Variants in SHISA6 observed in about 807,000 individuals in gnomAD.
SHISA6 encodes shisa family member 6, also known as protein shisa-6.
Under a neutral mutation model 47.9 loss-of-function variants are expected in SHISA6, and 22 were observed. That is an observed-to-expected ratio of 0.46 (90% CI 0.33 to 0.66). The LOEUF (loss-of-function observed/expected upper bound fraction) is 0.66, where lower values mean the gene tolerates loss of function less well. Among genes scored for constraint, SHISA6 ranks in the 30% least tolerant of loss-of-function variants. SHISA6 has a pLI of 0.02. For missense variants in SHISA6, 680 were observed against 764.6 expected, an observed-to-expected ratio of 0.89 and a Z score of 1.30; for synonymous variants, 388 against 337.8, an observed-to-expected ratio of 1.15 and a Z score of -1.63.
chr17:11,533,901 T>G (rs1312686458), intron 3 of SHISA6, among the ~76,000 whole-genome samples: 1 of 152,066 alleles, frequency 6.6e-6, no homozygotes, highest in African/African-American at 2.4e-5. Flanking sequence ...TCATTATTCT[T>G]ACTCTATTAA....
At chr17:11,420,049 C>A (rs1229166818) in intron 3 of SHISA6, among the ~76,000 whole-genome samples, 2 of 152,056 alleles carry the variant, frequency 1.3e-5, no homozygotes, top group African/African-American at 4.8e-5. Context: ...ACTAAAAATA[C>A]AAAAATTAGC....
chr17:11,320,159 T>G (rs1462559601), intron 2 of SHISA6, among the ~76,000 whole-genome samples: 1 of 152,252 alleles, frequency 6.6e-6, no homozygotes, highest in African/African-American at 2.4e-5. Flanking sequence ...AGTAAATATT[T>G]TCAATCATTT....
intron 4 of SHISA6, among the ~76,000 whole-genome samples, chr17:11,555,065 G>T (rs955238338): frequency 6.6e-5 from 10 of 152,180 alleles, no homozygotes; most frequent in Non-Finnish European, 8.8e-5. Context: ...GATGTGCTAT[G>T]CATTTTTGTC....
At chr17:11,504,198 C>A (rs886395016) in intron 3 of SHISA6, among the ~76,000 whole-genome samples, 1 of 152,152 alleles carries the variant, frequency 6.6e-6, no homozygotes, top group Non-Finnish European at 1.5e-5. Context: ...AGGCTGGCTT[C>A]ATGGGCTTTG....
chr17:11,447,964 C>T lies in SHISA6; in HGVS notation c.895+68455C>T, dbSNP rs180765844. On this transcript the variant is annotated intron_variant, in intron 3 of 5. Transcript: ENST00000441885. ...GGCACTCCGTGGTGGAGTTCCTCGC[C>T]GCCAACTGTGCATTCCACTTTGTAG... Among the ~76,000 whole-genome samples the T allele has an allele frequency of 5.3e-5, 8 of 152,270 alleles. No homozygotes were observed. In the East Asian group the frequency reaches 9.7e-4, roughly 18 times the overall value.
At chr17:11,538,043 C>G (rs1272149283) in intron 3 of SHISA6, among the ~76,000 whole-genome samples, 1 of 152,064 alleles carries the variant, frequency 6.6e-6, no homozygotes, top group Non-Finnish European at 1.5e-5. Context: ...TGGAGATGAA[C>G]CTGAGTTTGT....
rs1191480865 is a variant in SHISA6, at chr17:11,562,895, G to C, written c.*4591G>C. 2 of 152,338 alleles carry C rather than the reference G, an allele frequency of 1.3e-5. No homozygotes were observed. The highest frequency in any genetic ancestry group is 1.3e-4 in the Admixed American group (2 of 15,284). The allele number at this position is 152,338 out of a possible 1,614,324, so 9.4% of individuals were successfully genotyped here. ...ACTAGAGCCTGGGGTGGGCCTGATGGGCTCGGCCACCCAGGGATGCCCTCG... is the reference window on the plus strand; with the variant it reads ...ACTAGAGCCTGGGGTGGGCCTGATGCGCTCGGCCACCCAGGGATGCCCTCG... On this transcript the variant is annotated 3_prime_UTR_variant, in exon 6 of 6. Transcript: ENST00000441885.
rs147019741 is a variant in SHISA6 at position 11,430,211 on chromosome 17, G to T, written c.895+50702G>T. On this transcript the variant is annotated intron_variant, in intron 3 of 5. Coordinates refer to ENST00000441885, the MANE Select transcript of SHISA6 (RefSeq NM_207386.4). ...ATTTTAGTCATTAGGGCCATTTGTT[G>T]AACGTTTCTGGTTCTCCCCACTCTT... Among the ~76,000 whole-genome samples, 233 of 152,266 alleles carry T rather than the reference G, an allele frequency of 1.5e-3. 1 individual carries two copies. The highest frequency in any genetic ancestry group is 5.3e-3 in the African/African-American group (222 of 41,554).
chr17:11,490,126 G>A (rs1916437796), intron 3 of SHISA6, among the ~76,000 whole-genome samples: 2 of 152,170 alleles, frequency 1.3e-5, no homozygotes, highest in Non-Finnish European at 2.9e-5. Context: ...CTTCTTGCCA[G>A]CCTCTCCAGG....
chr17:11,435,365 A>G (rs144182152), intron 3 of SHISA6, among the ~76,000 whole-genome samples: 42 of 152,278 alleles, frequency 2.8e-4, no homozygotes, highest in African/African-American at 8.7e-4. Flanking sequence ...GTCTCACCTC[A>G]AAATAAAATA....
At chr17:11,483,531 C>CA (rs1446213164) in intron 3 of SHISA6, among the ~76,000 whole-genome samples, 4 of 151,958 alleles carry the variant, frequency 2.6e-5, no homozygotes, top group Non-Finnish European at 4.4e-5. Context: ...GCAACAAGAA[C>CA]AAAAAAACAC....
In SHISA6 at chr17:11,241,525, C is replaced by T. The variant is rs1907327423; in HGVS notation, c.103C>T (p.Leu35=). 8.9e-7 allele frequency: 1 copy of T among 1,126,140 alleles called. No individual in the cohort carries two copies. The highest frequency in any genetic ancestry group is 1.1e-6 in the Non-Finnish European group (1 of 919,254). 69.8% of individuals were successfully genotyped at this position (1,126,140 alleles called of 1,614,324 possible). Reference sequence around the variant, plus strand: ...CCGCGGCCGCGCCGCCAACCGGACCCTGAGTGCAGGCGGCGCTGCCGTCGG... The same window carrying T: ...CCGCGGCCGCGCCGCCAACCGGACCTTGAGTGCAGGCGGCGCTGCCGTCGG... ...GARGRAANRT[L]SAGGAAVGGR... Residue 35 remains leucine (L), a synonymous_variant, in exon 1 of 6, where the codon CTG becomes TTG. Coordinates refer to ENST00000441885, the MANE Select transcript of SHISA6 (RefSeq NM_207386.4). This position sits in a 1 kb window ranked among gnomAD's most constrained non-coding sequence, Gnocchi z 5.5.
intron 3 of SHISA6, among the ~76,000 whole-genome samples, chr17:11,407,032 G>A (rs903868837): frequency 3.3e-5 from 5 of 152,192 alleles, no homozygotes; most frequent in Admixed American, 6.5e-5. Context: ...GCATTAGCAT[G>A]AGGAATTTAA....
chr17:11,465,296 A>G (rs976936027), intron 3 of SHISA6, among the ~76,000 whole-genome samples: 1 of 152,296 alleles, frequency 6.6e-6, no homozygotes, highest in South Asian at 2.1e-4. Flanking sequence ...TGTCTTTTAA[A>G]TTATTTTAAT....
intron 3 of SHISA6, among the ~76,000 whole-genome samples, chr17:11,399,916 A>G (rs2142263199): frequency 6.6e-6 from 1 of 152,314 alleles, no homozygotes; most frequent in East Asian, 1.9e-4. Flanking sequence ...TAAGGGTTTT[A>G]TTTTAGTCTT....
In SHISA6 at chr17:11,351,875, G is replaced by T. The variant is rs1032056011; in HGVS notation, c.800-27539G>T. ...ACAATATATACTATAAGGAACCAAT[G>T]ATGACCTATAGGTTTTTGAACATAG... On this transcript the variant is annotated intron_variant, in intron 2 of 5. Transcript: ENST00000441885. Among the ~76,000 whole-genome samples the T allele has an allele frequency of 2.0e-5, 3 of 152,228 alleles. 1 individual carries two copies. The highest frequency in any genetic ancestry group is 4.4e-5 in the Non-Finnish European group (3 of 68,044).
rs1235384592 is a variant in SHISA6, at chr17:11,357,195, A to C, written c.800-22219A>C. ...AGAGCGAGACTCCGTCTCAAAAAAA[A>C]AAAAAAAAAAAAATGAAGAAGAAGA... On this transcript the variant is annotated intron_variant, in intron 2 of 5. Coordinates refer to ENST00000441885, the MANE Select transcript of SHISA6 (RefSeq NM_207386.4). Among the ~76,000 whole-genome samples, 3 of 150,874 alleles carry C rather than the reference A, an allele frequency of 2.0e-5. No homozygotes were observed. The East Asian group carries it at 5.8e-4, about 29-fold the overall frequency.
intron 2 of SHISA6, among the ~76,000 whole-genome samples, chr17:11,366,355 G>T (rs1469680730): frequency 1.3e-5 from 2 of 152,148 alleles, no homozygotes; most frequent in Admixed American, 1.3e-4. Context: ...GCCCAGGCAG[G>T]TCTCAAGTGC....
intron 2 of SHISA6, among the ~76,000 whole-genome samples, chr17:11,359,197 C>A (rs1278993085): frequency 6.6e-6 from 1 of 152,136 alleles, no homozygotes; most frequent in African/African-American, 2.4e-5. Flanking sequence ...TCCTTGCTGT[C>A]ATGTTTAAGC....
Sources: allele counts gnomAD v4.1 joint callset (sites outside exome capture counted in the v4.1 genomes callset), GRCh38; gene constraint gnomAD v4.1.1; non-coding constraint Gnocchi (gnomAD v3.1); transcripts MANE v1.5; gene names NCBI Gene and HGNC (gene_info 2026-07-23, HGNC 2026-07-21).